The following SCUBE3 variants were observed in gnomAD, a reference collection of about 807,000 sequenced individuals.
SCUBE3 encodes signal peptide, CUB domain and EGF like domain containing 3, also known as signal peptide, CUB and EGF-like domain-containing protein 3.
SCUBE3 carries 33 observed loss-of-function variants against 116.8 expected under a neutral mutation model. The observed-to-expected ratio is 0.28, with a 90% confidence interval of 0.21 to 0.38. The LOEUF (loss-of-function observed/expected upper bound fraction) is 0.38, where lower values mean the gene tolerates loss of function less well. Ranked by LOEUF, SCUBE3 falls within the 10% of genes least tolerant of loss-of-function variation. SCUBE3 has a pLI of 1.00. For synonymous variants in SCUBE3, 418 were observed against 496.9 expected (o/e 0.84, Z 2.11); for missense variants, 1,007 against 1,324.8 (o/e 0.76, Z 3.72).
intron 6 of SCUBE3, among the ~76,000 whole-genome samples, chr6:35,236,701 G>C (rs1318181351): frequency 6.6e-6 from 1 of 152,212 alleles, no homozygotes; most frequent in Non-Finnish European, 1.5e-5. Context: ...TGAGTGTGGG[G>C]AGTCAGAGAC....
In SCUBE3 at chr6:35,231,117, G is replaced by A. The variant is rs562626883; in HGVS notation, c.335-608G>A. Reference sequence around the variant, plus strand: ...TTTGTTAAGCCAAAATAGGAGAAAGGCTAGGGAATATGGCAGCAAGCCCAG... The same window carrying A: ...TTTGTTAAGCCAAAATAGGAGAAAGACTAGGGAATATGGCAGCAAGCCCAG... On this transcript the variant is annotated intron_variant, in intron 3 of 21. Transcript: ENST00000274938. This position sits in a 1 kb window ranked among gnomAD's most constrained non-coding sequence, Gnocchi z 4.2. Among the ~76,000 whole-genome samples the A allele has an allele frequency of 3.9e-5, 6 of 152,240 alleles. No homozygotes were observed. The South Asian group carries it at 1.0e-3, about 26-fold the overall frequency.
rs764295851 is a variant in SCUBE3 at position 35,231,851 on chromosome 6, G to A, written c.461G>A (p.Arg154Gln). 5.6e-6 allele frequency: 9 copies of A among 1,610,142 alleles called. No individual in the cohort carries two copies. Among genetic ancestry groups the A allele is most frequent in the Middle Eastern group, 3.3e-4 (2 of 6,074 alleles). ...LSDNQHTCIQ[R>Q]PEEGMNCMNK... The stretch of plus-strand genomic sequence containing the variant: ...GACAACCAGCATACCTGTATCCAGC[G>A]GCCAGAAGGTCAGCCCATGACCTGG... The change falls in exon 4 of 22, where the codon CGG (arginine) becomes CAG (glutamine). Residue 154 changes from arginine to glutamine, a missense_variant. By Grantham distance (43) the Arg-to-Gln change is conservative (BLOSUM62 1). Transcript: ENST00000274938. This position sits in a 1 kb window ranked among gnomAD's most constrained non-coding sequence, Gnocchi z 4.2.
Position 35,246,020 on chromosome 6 carries a change from G to A in SCUBE3, c.2676G>A (p.Arg892=), listed in dbSNP as rs1391263848. The A allele has an allele frequency of 6.2e-7, 1 of 1,614,008 alleles. No homozygotes were observed. The highest frequency in any genetic ancestry group is 8.5e-7 in the Non-Finnish European group (1 of 1,180,004). Residue 892 remains arginine, a synonymous_variant, in exon 20 of 22, where the codon AGG becomes AGA. Coordinates refer to ENST00000274938, the MANE Select transcript of SCUBE3 (RefSeq NM_152753.4). The part of the protein sequence containing the change: ...ERPIAFTARS[R]KLWINFKTSE... ...CCATTGCCTTCACTGCCCGTTCCAG[G>A]AAGCTCTGGATCAACTTCAAGACAA...
At chr6:35,227,458 C>G (rs1783373908) in intron 1 of SCUBE3, 122 bp from the exon 2 acceptor site, 3 of 1,013,682 alleles carry the variant, frequency 3.0e-6, no homozygotes, top group Non-Finnish European at 3.0e-6. Flanking sequence ...GCACCTGTTT[C>G]TGGAGGGGGT....
chr6:35,243,611 A>G lies in SCUBE3; in HGVS notation c.1927A>G (p.Thr643Ala). The change falls in exon 16 of 22, where the codon ACG becomes GCG. Residue 643 changes from threonine to alanine, a missense_variant. Physicochemically the swap from Thr to Ala is moderately conservative, Grantham distance 58. Around this residue, in one of 5 missense-constraint regions of SCUBE3, gnomAD observed 544 missense variants for 638.9 expected, o/e 0.85. Coordinates refer to ENST00000274938, the MANE Select transcript of SCUBE3 (RefSeq NM_152753.4). The surrounding 1 kb of genome is among the most constrained non-coding windows in gnomAD (Gnocchi z 6.6). The stretch of plus-strand genomic sequence containing the variant: ...TCCCTCAGTCAGCTGCCCGCAGGGA[A>G]CGTATTACCACGGCCAGACGGAGCA... ...GTKCVSCPQG[T>A]YYHGQTEQCV... 1 of 1,612,400 alleles carries G rather than the reference A, an allele frequency of 6.2e-7. No homozygotes were observed. The highest frequency in any genetic ancestry group is 8.5e-7 in the Non-Finnish European group (1 of 1,178,918).
chr6:35,240,624 A>T lies in SCUBE3; in HGVS notation c.1069+134A>T. 1.9e-6 allele frequency: 1 copy of T among 539,138 alleles called. No homozygotes were observed. Among genetic ancestry groups the T allele is most frequent in the East Asian group, 3.0e-5 (1 of 33,088 alleles). The allele number at this position is 539,138 out of a possible 1,614,324, so 33.4% of individuals were successfully genotyped here. On this transcript the variant is annotated intron_variant, in intron 9 of 21. Coordinates refer to ENST00000274938, the MANE Select transcript of SCUBE3 (RefSeq NM_152753.4). This position sits in a 1 kb window ranked among gnomAD's most constrained non-coding sequence, Gnocchi z 4.6. ...ATGCACCATGTCTGCATCCGCTGTG[A>T]CAAAATAGGAGGAATTAAGACAGCT... is the stretch of plus-strand genomic sequence containing the variant.
intron 6 of SCUBE3, among the ~76,000 whole-genome samples, chr6:35,234,177 AAGGAAG>A (rs1176384944): frequency 1.3e-5 from 2 of 152,264 alleles, no homozygotes; most frequent in East Asian, 3.9e-4. Flanking sequence ...GGGGAAATGA[AAGGAAG>A]AGGTTTGGCT....
chr6:35,242,040 T>C, intron 12 of SCUBE3, 130 bp downstream of exon 12: 1 of 856,618 alleles, frequency 1.2e-6, no homozygotes, highest in Non-Finnish European at 2.0e-6. Context: ...TCTCCAACCC[T>C]GCTCCCTCAC....
rs1783597807 is a variant in SCUBE3 at position 35,232,612 on chromosome 6, A to G, written c.470-238A>G. ...AAGGAAAGGGTGATCATTCGTTGGGATGAGTATCAATAGCTAGCTAGTTAT... is the reference window on the plus strand; with the variant it reads ...AAGGAAAGGGTGATCATTCGTTGGGGTGAGTATCAATAGCTAGCTAGTTAT... On this transcript the variant is annotated intron_variant, in intron 4 of 21. Transcript: ENST00000274938. The surrounding 1 kb of genome is among the most constrained non-coding windows in gnomAD (Gnocchi z 4.2). Among the ~76,000 whole-genome samples, 1 of 152,168 alleles carries G rather than the reference A, an allele frequency of 6.6e-6. No homozygotes were observed. Among genetic ancestry groups the G allele is most frequent in the Non-Finnish European group, 1.5e-5 (1 of 68,028 alleles).
In SCUBE3 at chr6:35,227,620, C is replaced by T. The variant is rs76268578; in HGVS notation, c.126C>T (p.Ile42=). 8.7e-6 allele frequency: 14 copies of T among 1,613,912 alleles called. No individual in the cohort carries two copies. Among genetic ancestry groups the T allele is most frequent in the East Asian group, 2.2e-5 (1 of 44,902 alleles). ...ECVEGTDNCH[I]DAICQNTPRS... is the part of the protein sequence containing the mutation. ...TGGAGGGGACTGACAACTGCCACAT[C>T]GATGCTATCTGCCAGAACACCCCGA... Residue 42 remains isoleucine (I), a synonymous_variant, in exon 2 of 22, where the codon ATC becomes ATT. Coordinates refer to ENST00000274938, the MANE Select transcript of SCUBE3 (RefSeq NM_152753.4).
chr6:35,249,051 G>T lies in SCUBE3; in HGVS notation c.*346G>T. On this transcript the variant is annotated 3_prime_UTR_variant, in exon 22 of 22. Transcript: ENST00000274938. The stretch of plus-strand genomic sequence containing the variant: ...CCCATCAGCTTGGAAGGGTGCTAGA[G>T]GCCCATCAAGGAAGTGGGTCTGGTG... 1 of 206,466 alleles carries T rather than the reference G, an allele frequency of 4.8e-6. No individual in the cohort carries two copies. Among genetic ancestry groups the T allele is most frequent in the Non-Finnish European group, 9.7e-6 (1 of 102,782 alleles). 12.8% of individuals were successfully genotyped at this position (206,466 alleles called of 1,614,324 possible).
In SCUBE3 at chr6:35,217,751, T is replaced by G. The variant is rs535629355; in HGVS notation, c.85+3248T>G. 3.0e-4 allele frequency among the ~76,000 whole-genome samples: 46 copies of G among 152,306 alleles called. No individual in the cohort carries two copies. The South Asian group carries it at 3.9e-3, about 13-fold the overall frequency. On this transcript the variant is annotated intron_variant, in intron 1 of 21. Coordinates refer to ENST00000274938, the MANE Select transcript of SCUBE3 (RefSeq NM_152753.4). ...GGTGGCCCCGTGGGCAGCCGGCTAT[T>G]GCCTGTGCCCTGTCCAGGCCACACT...
In SCUBE3 at chr6:35,241,613, G is replaced by C. The variant is rs1470494776; in HGVS notation, c.1266G>C (p.Lys422Asn). ...TCAGCTGCAACCGGTCTGGCAAGAA[G>C]GACACCTGTGCCCTGACCTGTCCCT... ...AMLSCNRSGKKDTCALTCPSR... is the reference protein window; with the variant it reads ...AMLSCNRSGKNDTCALTCPSR... The change falls in exon 11 of 22, where the codon AAG becomes AAC. Residue 422 changes from lysine (K) to asparagine (N), a missense_variant. Coordinates refer to ENST00000274938, the MANE Select transcript of SCUBE3 (RefSeq NM_152753.4). This position sits in a 1 kb window ranked among gnomAD's most constrained non-coding sequence, Gnocchi z 4.1. 1 of 1,614,190 alleles carries C rather than the reference G, an allele frequency of 6.2e-7. No individual in the cohort carries two copies. Among genetic ancestry groups the C allele is most frequent in the Non-Finnish European group, 8.5e-7 (1 of 1,180,010 alleles).
intron 1 of SCUBE3, among the ~76,000 whole-genome samples, chr6:35,226,770 G>A (rs573754950): frequency 6.6e-6 from 1 of 152,138 alleles, no homozygotes; most frequent in South Asian, 2.1e-4. Flanking sequence ...GAGCCACCGC[G>A]CCTGGCATCA....
chr6:35,243,495 C>G lies in SCUBE3; in HGVS notation c.1910-99C>G. On this transcript the variant is annotated intron_variant, in intron 15 of 21. Transcript: ENST00000274938. This position sits in a 1 kb window ranked among gnomAD's most constrained non-coding sequence, Gnocchi z 6.6. ...GTTTGTTCCCTGACAGAGATTCTCCCTGAATCGGGGGTTGTGGCGGGGAGT... is the reference window on the plus strand; with the variant it reads ...GTTTGTTCCCTGACAGAGATTCTCCGTGAATCGGGGGTTGTGGCGGGGAGT... 1 of 1,180,686 alleles carries G rather than the reference C, an allele frequency of 8.5e-7. No homozygotes were observed. Among genetic ancestry groups the G allele is most frequent in the East Asian group, 2.6e-5 (1 of 38,904 alleles). The allele number at this position is 1,180,686 out of a possible 1,614,324, so 73.1% of individuals were successfully genotyped here.
intron 1 of SCUBE3, among the ~76,000 whole-genome samples, chr6:35,218,313 T>C (rs544034730): frequency 4.6e-5 from 7 of 152,222 alleles, no homozygotes; most frequent in Admixed American, 3.9e-4. Context: ...TGGGGCAATA[T>C]GCATTTTGTT....
chr6:35,230,573 G>A (rs576185042), intron 3 of SCUBE3, among the ~76,000 whole-genome samples: 1 of 152,294 alleles, frequency 6.6e-6, no homozygotes, highest in Non-Finnish European at 1.5e-5. Flanking sequence ...CAGAAGGATG[G>A]CATGTAGAAT....
chr6:35,241,581 G>A lies in SCUBE3; in HGVS notation c.1234G>A (p.Ala412Thr), dbSNP rs1784055603. 6.2e-7 allele frequency: 1 copy of A among 1,614,086 alleles called. No homozygotes were observed. Among genetic ancestry groups the A allele is most frequent in the East Asian group, 2.2e-5 (1 of 44,902 alleles). Reference protein sequence around the residue: ...KCQGSPGASKAMLSCNRSGKK... With the variant: ...KCQGSPGASKTMLSCNRSGKK... ...TCAGGGCAGTCCTGGGGCCTCGAAA[G>A]CCATGCTCAGCTGCAACCGGTCTGG... Residue 412 changes from alanine (A) to threonine (T), a missense_variant, in exon 11 of 22, where the codon GCC (alanine) becomes ACC (threonine). This residue lies in a region of SCUBE3 where 544 missense variants were observed against 638.9 expected (regional missense o/e 0.85). Transcript: ENST00000274938. This position sits in a 1 kb window ranked among gnomAD's most constrained non-coding sequence, Gnocchi z 4.1.
Position 35,241,339 on chromosome 6 carries a change from G to C in SCUBE3, c.1195+73G>C, listed in dbSNP as rs1581942518. The C allele has an allele frequency of 4.7e-6, 7 of 1,494,114 alleles. No homozygotes were observed. The East Asian group carries it at 9.1e-5, about 19-fold the overall frequency. The allele number at this position is 1,494,114 out of a possible 1,614,324, so 92.6% of individuals were successfully genotyped here. On this transcript the variant is annotated intron_variant, in intron 10 of 21. Transcript: ENST00000274938. The surrounding 1 kb of genome is among the most constrained non-coding windows in gnomAD (Gnocchi z 4.1). ...AGCAGTTGGGGTTCTGGAAAGCATA[G>C]AGTATCACATTGGGGAAAGGTGTGA...
Sources: allele counts gnomAD v4.1 joint callset (sites outside exome capture counted in the v4.1 genomes callset), GRCh38; gene constraint gnomAD v4.1.1; regional missense constraint gnomAD v4.1.1; non-coding constraint Gnocchi (gnomAD v3.1); transcripts MANE v1.5; gene names NCBI Gene and HGNC (gene_info 2026-07-23, HGNC 2026-07-21).